Variants in CHD1L observed in about 807,000 individuals in gnomAD.
CHD1L encodes ATP-dependent chromatin remodeler CHD1L.
In CHD1L, 118 loss-of-function variants were observed where a neutral mutation model predicts 115.9. That is an observed-to-expected ratio of 1.02 (90% CI 0.88 to 1.19). CHD1L has a LOEUF of 1.19. Among genes scored for constraint, CHD1L ranks in the 50% most tolerant of loss-of-function variants. The pLI is 0.00. For synonymous variants in CHD1L, 411 were observed against 387.1 expected (o/e 1.06, Z -0.72); for missense variants, 1,179 against 1,065.3 (o/e 1.11, Z -1.49).
the CHD1L span, chr1:147,208,998 G>A: frequency 1.2e-6 from 2 of 1,613,974 alleles, no homozygotes; most frequent in Non-Finnish European, 8.5e-7. Flanking sequence ...CAGGATATCC[G>A]TAGTCCCCTA....
At chr1:147,238,882 C>G (rs1553930275), upstream of CHD1L, among the ~76,000 whole-genome samples, 2 of 152,182 alleles carry the variant, frequency 1.3e-5, no homozygotes, top group African/African-American at 4.8e-5. Context: ...CCTGAATTGA[C>G]TGTCCCTTAG....
chr1:147,242,719 G>A lies in CHD1L; in HGVS notation c.16G>A (p.Ala6Thr), dbSNP rs782153707. The stretch of plus-strand genomic sequence containing the variant: ...TACCGGCCCGATGGAGCGCGCGGGC[G>A]CTACTAGCCGCGGGGGCCAAGCCCC... MERAG[A>T]TSRGGQAPGF... Residue 6 changes from alanine to threonine, a missense_variant, in exon 1 of 23, where the codon GCT becomes ACT. Coordinates refer to ENST00000369258, the MANE Select transcript of CHD1L (RefSeq NM_004284.6). The A allele has an allele frequency of 8.0e-7, 1 of 1,257,286 alleles. No homozygotes were observed. The highest frequency in any genetic ancestry group is 1.0e-6 in the Non-Finnish European group (1 of 996,714). 77.9% of individuals were successfully genotyped at this position (1,257,286 alleles called of 1,614,324 possible).
At chr1:147,230,160 TC>T in the CHD1L span, among the ~76,000 whole-genome samples, 2 of 90,526 alleles carry the variant, frequency 2.2e-5, 1 homozygote, top group Admixed American at 2.3e-4. Context: ...CATAAATAGC[TC>T]TTATTATTTT....
the CHD1L span, among the ~76,000 whole-genome samples, chr1:147,234,053 C>T: frequency 9.2e-5 from 14 of 152,146 alleles, no homozygotes; most frequent in East Asian, 2.1e-3. Context: ...ATGACCCTGC[C>T]AAATCCCCCT....
chr1:147,188,614 T>A, the CHD1L span, among the ~76,000 whole-genome samples: 1 of 149,432 alleles, frequency 6.7e-6, no homozygotes, highest in Non-Finnish European at 1.5e-5. Flanking sequence ...GCAGATTAAA[T>A]AAACTCATAT....
the CHD1L span, among the ~76,000 whole-genome samples, chr1:147,232,498 T>G: frequency 6.6e-6 from 1 of 151,984 alleles, no homozygotes; most frequent in Non-Finnish European, 1.5e-5. Flanking sequence ...CCTCTCCCTC[T>G]CCCCATGGTC....
intron 15 of CHD1L, among the ~76,000 whole-genome samples, chr1:147,282,148 G>T (rs1177471399): frequency 6.6e-6 from 1 of 152,216 alleles, no homozygotes; most frequent in Non-Finnish European, 1.5e-5. Context: ...GCTGAGGGCA[G>T]CTCTGGCATG....
At position 147,293,651 on chromosome 1, in the gene CHD1L, T is replaced by C. The variant is rs1686443845; in HGVS notation, c.2435T>C (p.Leu812Pro). 1.2e-6 allele frequency: 2 copies of C among 1,614,182 alleles called. No homozygotes were observed. The highest frequency in any genetic ancestry group is 1.1e-5 in the South Asian group (1 of 91,084). The change falls in exon 21 of 23, where the codon CTG becomes CCG. Residue 812 changes from leucine (L) to proline (P), a missense_variant. Coordinates refer to ENST00000369258, the MANE Select transcript of CHD1L (RefSeq NM_004284.6). ...VAQHRDRSNVLSGIKMAALEE... is the reference protein window; with the variant it reads ...VAQHRDRSNVPSGIKMAALEE... ...CAGCATCGTGATCGTTCCAATGTCCTGTCTGGCATTAAGATGGCAGCCCTA... is the reference window on the plus strand; with the variant it reads ...CAGCATCGTGATCGTTCCAATGTCCCGTCTGGCATTAAGATGGCAGCCCTA...
the CHD1L span, among the ~76,000 whole-genome samples, chr1:147,233,915 T>C: frequency 6.6e-6 from 1 of 152,026 alleles, no homozygotes; most frequent in East Asian, 1.9e-4. Flanking sequence ...TTAAGAGTCA[T>C]CACCACTCCC....
the CHD1L span, chr1:147,213,612 G>T: frequency 8.9e-6 from 6 of 672,612 alleles, no homozygotes; most frequent in Non-Finnish European, 1.4e-5. Context: ...CCACAAATAA[G>T]AACTGTTTGG....
intron 6 of CHD1L, among the ~76,000 whole-genome samples, chr1:147,262,280 T>A (rs1182868722): frequency 2.0e-5 from 3 of 151,922 alleles, no homozygotes; most frequent in Admixed American, 2.0e-4. Flanking sequence ...ATTCATGCAG[T>A]GCATTTGCAA....
intron 1 of CHD1L, among the ~76,000 whole-genome samples, chr1:147,244,967 G>A (rs185056983): frequency 4.5e-4 from 69 of 152,304 alleles, no homozygotes; most frequent in African/African-American, 1.5e-3. Flanking sequence ...AATTTGAGAA[G>A]TTAATATGCT....
At chr1:147,283,238 C>T (rs914229904) in intron 15 of CHD1L, among the ~76,000 whole-genome samples, 1 of 152,000 alleles carries the variant, frequency 6.6e-6, no homozygotes, top group Admixed American at 6.6e-5. Context: ...ATTTAATTAG[C>T]AAATGCCAAT....
chr1:147,194,453 CTT>C, the CHD1L span, among the ~76,000 whole-genome samples: 2 of 152,132 alleles, frequency 1.3e-5, no homozygotes, highest in African/African-American at 4.8e-5. Context: ...GGTCTTGACT[CTT>C]TATCCAATTT....
chr1:147,280,533 T>A (rs183828759), intron 15 of CHD1L, among the ~76,000 whole-genome samples: 83 of 152,364 alleles, frequency 5.4e-4, no homozygotes, highest in African/African-American at 1.9e-3. Context: ...TATGATGCTT[T>A]GCACATAGCG....
At chr1:147,219,839 G>GTTTTT in the CHD1L span, among the ~76,000 whole-genome samples, 3 of 106,664 alleles carry the variant, frequency 2.8e-5, no homozygotes, top group Admixed American at 9.9e-5. Flanking sequence ...AATGTTAATT[G>GTTTTT]CTTTTTTTTT....
chr1:147,255,399 G>A (rs928563596), intron 3 of CHD1L, among the ~76,000 whole-genome samples: 1 of 152,024 alleles, frequency 6.6e-6, no homozygotes, highest in African/African-American at 2.4e-5. Flanking sequence ...GGCTAATTTT[G>A]TATTTTTAGT....
rs1450116795 is a variant in CHD1L at position 147,295,545 on chromosome 1, C to T, written c.*36C>T. ...AGCCTCAGATCCTGTCTTTAGCAACCAGCTAATATTTACCCAGAGGTACTG... is the reference window on the plus strand; with the variant it reads ...AGCCTCAGATCCTGTCTTTAGCAACTAGCTAATATTTACCCAGAGGTACTG... On this transcript the variant is annotated 3_prime_UTR_variant, in exon 23 of 23. Transcript: ENST00000369258. 1 of 1,458,142 alleles carries T rather than the reference C, an allele frequency of 6.9e-7. No individual in the cohort carries two copies. The highest frequency in any genetic ancestry group is 9.6e-7 in the Non-Finnish European group (1 of 1,045,566). The allele number at this position is 1,458,142 out of a possible 1,614,324, so 90.3% of individuals were successfully genotyped here.
chr1:147,273,293 T>C (rs1223706392), intron 12 of CHD1L, among the ~76,000 whole-genome samples: 3 of 152,192 alleles, frequency 2.0e-5, no homozygotes, highest in Non-Finnish European at 4.4e-5. Flanking sequence ...TGCAGGAACA[T>C]GAAAGAGATG....
Sources: allele counts gnomAD v4.1 joint callset (sites outside exome capture counted in the v4.1 genomes callset), GRCh38; gene constraint gnomAD v4.1.1; transcripts MANE v1.5; gene names NCBI Gene and HGNC (gene_info 2026-07-23, HGNC 2026-07-21).